NFASC: variants seen among roughly 807,000 people sequenced by gnomAD.
NFASC encodes the protein neurofascin homolog.
A neutral mutation model predicts 147.5 loss-of-function variants in NFASC; 43 were observed. The ratio of observed to expected loss-of-function variants is 0.29; its 90% CI spans 0.23 to 0.38. The LOEUF (loss-of-function observed/expected upper bound fraction) is 0.38. Ranked by LOEUF, NFASC falls within the 10% of genes least tolerant of loss-of-function variation. The pLI, the probability that NFASC is intolerant of heterozygous loss-of-function variation, is 1.00. For missense variants in NFASC, 1,320 were observed against 1,689.0 expected (o/e 0.78, Z 3.83); for synonymous variants, 622 against 665.5 (o/e 0.93, Z 1.01).
At chr1:204,882,093 T>C (rs1417304868) in intron 1 of NFASC, among the ~76,000 whole-genome samples, 1 of 152,016 alleles carries the variant, frequency 6.6e-6, no homozygotes, top group East Asian at 1.9e-4. Context: ...GAGCCCAATC[T>C]CTCTCCCCGA....
rs1366405451 is a variant in NFASC at position 204,968,077 on chromosome 1, C to A, written c.707-172C>A. 1.0e-5 allele frequency: 6 copies of A among 588,414 alleles called. No individual in the cohort carries two copies. The highest frequency in any genetic ancestry group is 3.7e-5 in the African/African-American group (2 of 53,636). 36.4% of individuals were successfully genotyped at this position (588,414 alleles called of 1,614,324 possible). ...TCTCATGTAGGTGGGGCTGAGGAGCCCTGGGCTTCCTAACACACCTCACTT... is the reference window on the plus strand; with the variant it reads ...TCTCATGTAGGTGGGGCTGAGGAGCACTGGGCTTCCTAACACACCTCACTT... On this transcript the variant is annotated intron_variant, in intron 8 of 29. Coordinates refer to ENST00000339876, the MANE Select transcript of NFASC (RefSeq NM_001005388.3). This position sits in a 1 kb window ranked among gnomAD's most constrained non-coding sequence, Gnocchi z 5.4.
At chr1:204,936,769 C>G (rs564301014) in intron 2 of NFASC, among the ~76,000 whole-genome samples, 12 of 152,348 alleles carry the variant, frequency 7.9e-5, no homozygotes, top group African/African-American at 2.9e-4. Context: ...CACCATGTCA[C>G]TCTGGCTTCA....
Position 205,018,056 on chromosome 1 carries a change from G to A in NFASC, c.*1517G>A, listed in dbSNP as rs1204608598. 2.0e-5 allele frequency: 3 copies of A among 152,832 alleles called. No homozygotes were observed. Among genetic ancestry groups the A allele is most frequent in the Non-Finnish European group, 4.4e-5 (3 of 68,116 alleles). 9.5% of individuals were successfully genotyped at this position (152,832 alleles called of 1,614,324 possible). Reference sequence around the variant, plus strand: ...GTCACCCCAAATGGAGACACTCGCAGACCTGCAGTTCTCAGACCGAAGGTG... The same window carrying A: ...GTCACCCCAAATGGAGACACTCGCAAACCTGCAGTTCTCAGACCGAAGGTG... On this transcript the variant is annotated 3_prime_UTR_variant, in exon 30 of 30. Coordinates refer to ENST00000339876, the MANE Select transcript of NFASC (RefSeq NM_001005388.3).
intron 27 of NFASC, chr1:205,009,221 T>C: frequency 2.4e-6 from 1 of 410,508 alleles, no homozygotes; most frequent in Non-Finnish European, 4.6e-6. Context: ...CATCCCTCAG[T>C]CCCCATTAGG....
At chr1:204,866,446 A>G (rs986549172) in intron 1 of NFASC, among the ~76,000 whole-genome samples, 3 of 152,216 alleles carry the variant, frequency 2.0e-5, no homozygotes, top group African/African-American at 7.2e-5. Flanking sequence ...TCCAAGAATT[A>G]AGAAGCTGGC....
intron 1 of NFASC, among the ~76,000 whole-genome samples, chr1:204,887,467 A>G (rs2148976151): frequency 1.3e-5 from 2 of 152,154 alleles, no homozygotes; most frequent in South Asian, 2.1e-4. Context: ...ACATGGGTGT[A>G]CAAACAGCTC....
At chr1:204,855,148 C>T (rs544521636) in intron 1 of NFASC, among the ~76,000 whole-genome samples, 1 of 152,370 alleles carries the variant, frequency 6.6e-6, no homozygotes, top group South Asian at 2.1e-4. Flanking sequence ...CAACAGTGCT[C>T]TTCGCACTAT....
chr1:204,949,915 C>A (rs772428621), intron 3 of NFASC, among the ~76,000 whole-genome samples: 23 of 152,362 alleles, frequency 1.5e-4, no homozygotes, highest in Non-Finnish European at 2.9e-4. Flanking sequence ...GAGCTGTAGC[C>A]TCTGCTTCAT....
At position 204,987,213 on chromosome 1, in the gene NFASC, T is replaced by C; in HGVS notation, c.2471-205T>C. On this transcript the variant is annotated intron_variant, in intron 21 of 29. Transcript: ENST00000339876. The surrounding 1 kb of genome is among the most constrained non-coding windows in gnomAD (Gnocchi z 4.4). ...AATAGCAGAGTCTGAGCTATGTTTG[T>C]CCTCAGACCTGAAGGAAATAGCATC... is the stretch of plus-strand genomic sequence containing the variant. 1 of 581,062 alleles carries C rather than the reference T, an allele frequency of 1.7e-6. No homozygotes were observed. The highest frequency in any genetic ancestry group is 3.1e-5 in the Admixed American group (1 of 32,538). The allele number at this position is 581,062 out of a possible 1,614,324, so 36.0% of individuals were successfully genotyped here.
chr1:204,896,741 C>T (rs776712822), intron 1 of NFASC, among the ~76,000 whole-genome samples: 33 of 152,144 alleles, frequency 2.2e-4, no homozygotes, highest in Admixed American at 5.2e-4. Context: ...AAACTATAAT[C>T]GGCATATAAA....
chr1:204,834,546 C>T (rs1449943049), intron 1 of NFASC, among the ~76,000 whole-genome samples: 1 of 152,234 alleles, frequency 6.6e-6, no homozygotes, highest in African/African-American at 2.4e-5. Context: ...CACTCCTCCC[C>T]TCCCGGGCTG....
At chr1:204,899,168 C>T (rs1265965029) in intron 1 of NFASC, among the ~76,000 whole-genome samples, 2 of 152,222 alleles carry the variant, frequency 1.3e-5, no homozygotes, top group Non-Finnish European at 2.9e-5. Context: ...AAAAAAGTCA[C>T]AGCACCGCTG....
chr1:204,872,266 C>T (rs761055356), intron 1 of NFASC, among the ~76,000 whole-genome samples: 4 of 152,222 alleles, frequency 2.6e-5, no homozygotes, highest in African/African-American at 4.8e-5. Flanking sequence ...CTGAGCATCA[C>T]GCATCCCAGG....
At position 204,858,980 on chromosome 1, in the gene NFASC, T is replaced by G. The variant is rs933888995; in HGVS notation, c.-200+30198T>G. Among the ~76,000 whole-genome samples the G allele has an allele frequency of 3.7e-4, 52 of 141,050 alleles. 1 individual carries two copies. Among genetic ancestry groups the G allele is most frequent in the Admixed American group, 1.6e-4 (2 of 12,770 alleles). 92.5% of individuals were successfully genotyped at this position (141,050 alleles called of 152,430 possible). A position where few individuals can be genotyped will look rare whatever the true frequency, so the allele number is the denominator to read the frequency against. ...CGCTATTCAGTTGAATGCACTGACT[T>G]TTTTTTTTTTTTTTTGAGACAGAGT... On this transcript the variant is annotated intron_variant, in intron 1 of 29. Coordinates refer to ENST00000339876, the MANE Select transcript of NFASC (RefSeq NM_001005388.3).
intron 17 of NFASC, 23 bp from the exon 18 acceptor site, chr1:204,978,945 T>C (rs376796714): frequency 1.7e-5 from 26 of 1,536,592 alleles, no homozygotes; most frequent in Admixed American, 3.9e-5. Flanking sequence ...TCAGGAGGCC[T>C]GCGTGGTGTC....
intron 21 of NFASC, chr1:204,984,331 A>G (rs865794398): frequency 9.5e-5 from 33 of 346,500 alleles, no homozygotes; most frequent in East Asian, 3.4e-4. Flanking sequence ...TTATATATAT[A>G]TGTGTGTGTG....
At chr1:204,848,555 A>T (rs2075380270) in intron 1 of NFASC, among the ~76,000 whole-genome samples, 1 of 152,234 alleles carries the variant, frequency 6.6e-6, no homozygotes, top group Admixed American at 6.5e-5. Flanking sequence ...ACATACAGTA[A>T]AGTACACAGA....
chr1:204,882,299 A>G (rs1006135822), intron 1 of NFASC, among the ~76,000 whole-genome samples: 2 of 152,014 alleles, frequency 1.3e-5, no homozygotes. Context: ...GCACTGCATG[A>G]TCTGGCCCTC....
chr1:204,993,858 G>C, intron 24 of NFASC: 1 of 489,226 alleles, frequency 2.0e-6, no homozygotes, highest in South Asian at 1.5e-5. Context: ...TCAGCCCCAG[G>C]GGATGAAATA....
Sources: allele counts gnomAD v4.1 joint callset (sites outside exome capture counted in the v4.1 genomes callset), GRCh38; gene constraint gnomAD v4.1.1; non-coding constraint Gnocchi (gnomAD v3.1); transcripts MANE v1.5; gene names NCBI Gene and HGNC (gene_info 2026-07-23, HGNC 2026-07-21).